HDAC9: variants seen among roughly 807,000 people sequenced by gnomAD.
The protein encoded by HDAC9 is MEF-2 interacting transcription repressor (MITR) protein.
HDAC9 carries 41 observed loss-of-function variants against 139.4 expected under a neutral mutation model. The observed-to-expected ratio is 0.29, with a 90% CI of 0.23 to 0.38. The LOEUF (loss-of-function observed/expected upper bound fraction) is 0.38, where lower values mean the gene tolerates loss of function less well. Ranked by LOEUF, HDAC9 falls within the 10% of genes least tolerant of loss-of-function variation. The probability of loss-of-function intolerance (pLI) is 1.00; values close to 1 mark genes in which losing one functional copy is unlikely to be tolerated. For synonymous variants in HDAC9, 517 were observed against 476.2 expected (o/e 1.09, Z -1.12); for missense variants, 1,147 against 1,297.0 (o/e 0.88, Z 1.78).
intron 1 of HDAC9, among the ~76,000 whole-genome samples, chr7:18,329,091 A>T (rs1359534855): frequency 6.6e-6 from 1 of 151,756 alleles, no homozygotes; most frequent in Non-Finnish European, 1.5e-5. Context: ...TTGTTGGTAT[A>T]TAATAGTTTA....
intron 4 of HDAC9, 33 bp from the exon 5 acceptor site, chr7:18,591,475 ATGTGTGTG>A (rs36100341): frequency 1.4e-4 from 213 of 1,473,874 alleles, no homozygotes; most frequent in African/African-American, 3.6e-4. Flanking sequence ...CTGTGTGTGT[ATGTGTGTG>A]TGTGTGTGTG....
intron 1 of HDAC9, among the ~76,000 whole-genome samples, chr7:18,423,915 T>A (rs1380567886): frequency 6.6e-6 from 1 of 152,180 alleles, no homozygotes; most frequent in Non-Finnish European, 1.5e-5. Flanking sequence ...TTGTTCACAT[T>A]TATAAGGAGG....
intron 1 of HDAC9, among the ~76,000 whole-genome samples, chr7:18,314,303 G>T (rs139599091): frequency 1.3e-5 from 2 of 152,306 alleles, no homozygotes; most frequent in East Asian, 3.9e-4. Context: ...CAGAGGATCT[G>T]CAGTCACTGT....
At chr7:18,615,149 G>A (rs1001459841) in intron 6 of HDAC9, among the ~76,000 whole-genome samples, 1 of 152,150 alleles carries the variant, frequency 6.6e-6, no homozygotes, top group Non-Finnish European at 1.5e-5. Flanking sequence ...ATATTTAGCT[G>A]ATTAAGTTGT....
At chr7:18,679,517 TTTC>T (rs1443665950) in intron 12 of HDAC9, among the ~76,000 whole-genome samples, 3 of 149,464 alleles carry the variant, frequency 2.0e-5, no homozygotes, top group African/African-American at 7.6e-5. Context: ...TTTTCTTTCC[TTTC>T]TTTCTTTCTT....
chr7:18,216,325 A>T (rs1384559552), intron 2 of HDAC9, among the ~76,000 whole-genome samples: 1 of 152,170 alleles, frequency 6.6e-6, no homozygotes, highest in Non-Finnish European at 1.5e-5. Flanking sequence ...TTTATTAGAT[A>T]ATCAGTAATA....
intron 6 of HDAC9, among the ~76,000 whole-genome samples, chr7:18,628,021 G>GT (rs1842157709): frequency 6.6e-6 from 1 of 152,116 alleles, no homozygotes; most frequent in Admixed American, 6.6e-5. Flanking sequence ...GAGAAGAATT[G>GT]TAAGTTCTAC....
At chr7:18,792,179 A>T (rs1792371802) in intron 16 of HDAC9, among the ~76,000 whole-genome samples, 1 of 151,758 alleles carries the variant, frequency 6.6e-6, no homozygotes, top group South Asian at 2.1e-4. Context: ...TTAGAAAACT[A>T]CTTAGTTCAC....
chr7:18,156,977 A>T (rs1478270476), intron 1 of HDAC9, among the ~76,000 whole-genome samples: 1 of 152,146 alleles, frequency 6.6e-6, no homozygotes, highest in South Asian at 2.1e-4. Flanking sequence ...AGTCCCAGCT[A>T]CTCAGGAGGC....
At chr7:18,994,722 G>A (rs571370122) in intron 25 of HDAC9, among the ~76,000 whole-genome samples, 37 of 152,116 alleles carry the variant, frequency 2.4e-4, no homozygotes, top group African/African-American at 8.4e-4. Flanking sequence ...TTATTTGTCA[G>A]CACCTTTAGA....
chr7:18,336,146 T>C (rs927321884), intron 1 of HDAC9, among the ~76,000 whole-genome samples: 11 of 151,600 alleles, frequency 7.3e-5, no homozygotes, highest in African/African-American at 2.7e-4. Flanking sequence ...TATTTTAACC[T>C]CTTGTGCCTC....
At chr7:18,841,605 A>T (rs1464566088) in intron 21 of HDAC9, among the ~76,000 whole-genome samples, 7 of 152,126 alleles carry the variant, frequency 4.6e-5, no homozygotes, top group Non-Finnish European at 1.0e-4. Flanking sequence ...GATTTTGGAG[A>T]CAGTACTTTG....
At chr7:18,332,109 G>T (rs1015753557) in intron 1 of HDAC9, among the ~76,000 whole-genome samples, 1 of 151,644 alleles carries the variant, frequency 6.6e-6, no homozygotes, top group Non-Finnish European at 1.5e-5. Flanking sequence ...TTTGGAGTTC[G>T]AATAAAAGTT....
At chr7:18,824,090 C>CAAGAAGAAGAAGAAG (rs796695519) in intron 17 of HDAC9, among the ~76,000 whole-genome samples, 1 of 123,078 alleles carries the variant, frequency 8.1e-6, no homozygotes, top group Non-Finnish European at 1.7e-5. Context: ...AGAAGAAGAA[C>CAAGAAGAAGAAGAAG]AAGAACAAGA....
intron 12 of HDAC9, among the ~76,000 whole-genome samples, chr7:18,696,577 C>CT (rs1397365301): frequency 5.3e-5 from 8 of 151,620 alleles, no homozygotes; most frequent in African/African-American, 1.9e-4. Context: ...AAGCGATTCT[C>CT]TTGCCTCAGC....
chr7:18,765,192 A>T lies in HDAC9; in HGVS notation c.2165-1914A>T, dbSNP rs11765005. ...CATTTCTAAATTTAAAGTATCAATT[A>T]TATGCCTGTTTTGTATTATGTAAAC... On this transcript the variant is annotated intron_variant, in intron 15 of 25. Coordinates refer to ENST00000686413, the MANE Select transcript of HDAC9 (RefSeq NM_178425.4). Among the ~76,000 whole-genome samples the T allele has an allele frequency of 4.5e-3, 684 of 152,336 alleles. 2 individuals carry two copies. Among genetic ancestry groups the T allele is most frequent in the South Asian group, 5.4e-3 (26 of 4,830 alleles).
At chr7:18,960,190 C>T (rs1039626777) in intron 24 of HDAC9, among the ~76,000 whole-genome samples, 4 of 152,094 alleles carry the variant, frequency 2.6e-5, no homozygotes, top group African/African-American at 9.7e-5. Flanking sequence ...AATCAGTTAT[C>T]TCCATGGTTC....
At chr7:18,310,750 A>G (rs1230197017) in intron 1 of HDAC9, among the ~76,000 whole-genome samples, 1 of 151,608 alleles carries the variant, frequency 6.6e-6, no homozygotes, top group African/African-American at 2.4e-5. Flanking sequence ...CAGCTATAGA[A>G]TCAGGGGAAA....
rs566243064 is a variant in HDAC9, at chr7:18,482,380, CAAAAAAAAAAAAAAAAAAAAA to C, written c.-41-13865_-41-13845del. On this transcript the variant is annotated intron_variant, in intron 1 of 3. Coordinates refer to the HDAC9 transcript ENST00000413509. The stretch of plus-strand genomic sequence containing the variant: ...GCAACATAGTAAGACCTGGACTCAC[CAAAAAAAAAAAAAAAAAAAAA>C]AAAAAAAAAAAAAAAATTCTCCTTG... Among the ~76,000 whole-genome samples, 24 of 32,328 alleles carry C rather than the reference CAAAAAAAAAAAAAAAAAAAAA, an allele frequency of 7.4e-4. 1 individual carries two copies. The highest frequency in any genetic ancestry group is 1.7e-3 in the South Asian group (1 of 580). 21.2% of individuals were successfully genotyped at this position (32,328 alleles called of 152,430 possible).
Sources: gnomAD v4.1 joint callset for allele counts (sites outside exome capture counted in the v4.1 genomes callset) on GRCh38, gnomAD v4.1.1 for gene constraint, MANE v1.5 for transcripts, NCBI Gene and HGNC (gene_info 2026-07-23, HGNC 2026-07-21) for gene names.